WHR1: variants seen among roughly 807,000 people sequenced by gnomAD.
WHR1 encodes MHC class III HLA-RP1.
chr6:31,972,510 AG>A, the WHR1 span: 4 of 1,605,782 alleles, frequency 2.5e-6, no homozygotes, highest in Admixed American at 3.3e-5. This position sits in a 1 kb window ranked among gnomAD's most constrained non-coding sequence, Gnocchi z 6.3. Context: ...GGGGTGAGCC[AG>A]GTAACCATGG....
the WHR1 span, among the ~76,000 whole-genome samples, chr6:31,974,278 TCAA>T: frequency 1.8e-5 from 1 of 56,996 alleles, no homozygotes; most frequent in African/African-American, 6.5e-5. Flanking sequence ...AGACTTTGTC[TCAA>T]AAAAAAAAAA....
the WHR1 span, chr6:31,979,088 A>C: frequency 7.2e-7 from 1 of 1,383,412 alleles, no homozygotes; most frequent in Non-Finnish European, 1.0e-6. Flanking sequence ...AAACAAAAGA[A>C]AGAATTTCCC....
chr6:31,980,482 C>A, the WHR1 span: 3 of 1,613,114 alleles, frequency 1.9e-6, no homozygotes, highest in South Asian at 3.3e-5. Flanking sequence ...CCTCACCGTC[C>A]GAGATGCTGG....
At chr6:31,976,754 A>G in the WHR1 span, among the ~76,000 whole-genome samples, 1 of 152,246 alleles carries the variant, frequency 6.6e-6, no homozygotes, top group Non-Finnish European at 1.5e-5. Context: ...CCTGGGCACC[A>G]TTGAGCACTG....
At chr6:31,979,101 C>A in the WHR1 span, 1 of 1,193,970 alleles carries the variant, frequency 8.4e-7, no homozygotes, top group Non-Finnish European at 1.2e-6. Context: ...AATTTCCCTG[C>A]CCCCACATCC....
At chr6:31,980,629 C>G in the WHR1 span, 2 of 1,582,268 alleles carry the variant, frequency 1.3e-6, no homozygotes, top group Non-Finnish European at 1.7e-6. Context: ...CACCTTTCCC[C>G]TTTCCTGTGC....
chr6:31,971,322 C>G, the WHR1 span: 2 of 1,540,712 alleles, frequency 1.3e-6, no homozygotes, highest in East Asian at 4.5e-5. The surrounding 1 kb of genome is among the most constrained non-coding windows in gnomAD (Gnocchi z 4.5). Flanking sequence ...TTGCTCACCC[C>G]TCCAACCGGC....
the WHR1 span, chr6:31,971,873 T>TC: frequency 6.9e-7 from 1 of 1,450,734 alleles, no homozygotes; most frequent in Non-Finnish European, 9.2e-7. This position sits in a 1 kb window ranked among gnomAD's most constrained non-coding sequence, Gnocchi z 4.5. Context: ...CTCCAGGTCC[T>TC]CCAAATGCAG....
At chr6:31,971,231 A>G in the WHR1 span, 1 of 1,558,950 alleles carries the variant, frequency 6.4e-7, no homozygotes, top group Non-Finnish European at 8.7e-7. This position sits in a 1 kb window ranked among gnomAD's most constrained non-coding sequence, Gnocchi z 4.5. Flanking sequence ...GTTTCTTCTA[A>G]GGACTGATTC....
the WHR1 span, chr6:31,972,257 T>C: frequency 1.2e-6 from 2 of 1,613,080 alleles, no homozygotes; most frequent in African/African-American, 2.7e-5. This position sits in a 1 kb window ranked among gnomAD's most constrained non-coding sequence, Gnocchi z 6.3. Context: ...CTGACGGGCC[T>C]GAGGGACGAC....
the WHR1 span, chr6:31,972,500 G>C: frequency 1.2e-6 from 2 of 1,608,668 alleles, no homozygotes; most frequent in East Asian, 2.2e-5. The surrounding 1 kb of genome is among the most constrained non-coding windows in gnomAD (Gnocchi z 6.3). Flanking sequence ...GATCCTCTTC[G>C]GGGTGAGCCA....
the WHR1 span, among the ~76,000 whole-genome samples, chr6:31,975,306 A>G: frequency 6.6e-6 from 1 of 151,516 alleles, no homozygotes; most frequent in Non-Finnish European, 1.5e-5. Context: ...GGTTCAAGCA[A>G]TTCTCCTGCC....
chr6:31,971,819 CA>C, the WHR1 span: 1 of 1,319,782 alleles, frequency 7.6e-7, no homozygotes, highest in Non-Finnish European at 1.0e-6. The surrounding 1 kb of genome is among the most constrained non-coding windows in gnomAD (Gnocchi z 4.5). Flanking sequence ...CCACCGCGGC[CA>C]AGCTCTCATC....
At chr6:31,979,525 A>C in the WHR1 span, 3 of 1,612,906 alleles carry the variant, frequency 1.9e-6, no homozygotes, top group Non-Finnish European at 2.5e-6. Flanking sequence ...AATGACACAG[A>C]CCTTTGGCTT....
chr6:31,976,554 T>A, the WHR1 span, among the ~76,000 whole-genome samples: 28 of 148,752 alleles, frequency 1.9e-4, no homozygotes, highest in African/African-American at 6.3e-4. Context: ...CTCCTCACTT[T>A]CCAGACTGGG....
At chr6:31,972,432 C>T in the WHR1 span, 1 of 1,613,100 alleles carries the variant, frequency 6.2e-7, no homozygotes, top group Non-Finnish European at 8.5e-7. The surrounding 1 kb of genome is among the most constrained non-coding windows in gnomAD (Gnocchi z 6.3). Flanking sequence ...AGAGGCATCA[C>T]CTGATCCCGG....
chr6:31,972,901 C>T, the WHR1 span: 2 of 1,378,834 alleles, frequency 1.5e-6, no homozygotes, highest in Middle Eastern at 1.8e-4. This position sits in a 1 kb window ranked among gnomAD's most constrained non-coding sequence, Gnocchi z 6.3. Context: ...CCACAGAGAC[C>T]CTGTTAAAAG....
At chr6:31,979,053 C>T in the WHR1 span, 3 of 1,571,306 alleles carry the variant, frequency 1.9e-6, no homozygotes, top group Non-Finnish European at 1.7e-6. Context: ...TTGGGGGAGA[C>T]AGGGAACTTG....
At chr6:31,975,754 C>T in the WHR1 span, among the ~76,000 whole-genome samples, 1 of 152,100 alleles carries the variant, frequency 6.6e-6, no homozygotes, top group Non-Finnish European at 1.5e-5. Context: ...GTCCACAAAA[C>T]CACCATTGTC....
Sources: allele counts gnomAD v4.1 joint callset (sites outside exome capture counted in the v4.1 genomes callset), GRCh38; gene constraint gnomAD v4.1.1; non-coding constraint Gnocchi (gnomAD v3.1); transcripts MANE v1.5; gene names NCBI Gene and HGNC (gene_info 2026-07-23, HGNC 2026-07-21).